Variants in NELL1 observed in about 807,000 individuals in gnomAD.
NELL1 encodes the protein neural EGFL like 1, also known as protein kinase C-binding protein NELL1.
In NELL1, 76 loss-of-function variants were observed where a neutral mutation model predicts 107.4. The ratio of observed to expected loss-of-function variants is 0.71; its 90% CI spans 0.59 to 0.86. The LOEUF is 0.86. Among genes scored for constraint, NELL1 ranks in the 40% least tolerant of loss-of-function variants. The pLI is 0.00. For synonymous variants in NELL1, 353 were observed against 341.2 expected (o/e 1.03, Z -0.38); for missense variants, 1,024 against 1,005.5 (o/e 1.02, Z -0.25).
At chr11:20,902,870 GTA>G (rs1849908476) in intron 5 of NELL1, among the ~76,000 whole-genome samples, 1 of 152,008 alleles carries the variant, frequency 6.6e-6, no homozygotes, top group Non-Finnish European at 1.5e-5. Flanking sequence ...ATTAAATCAT[GTA>G]TATATTTCAA....
At chr11:21,506,966 C>A (rs1049248485) in intron 15 of NELL1, among the ~76,000 whole-genome samples, 4 of 152,128 alleles carry the variant, frequency 2.6e-5, no homozygotes, top group African/African-American at 9.7e-5. Flanking sequence ...ATATTGGATG[C>A]ATATTATTTC....
chr11:20,671,703 T>A (rs1010499732), intron 1 of NELL1, among the ~76,000 whole-genome samples: 1 of 152,170 alleles, frequency 6.6e-6, no homozygotes, highest in Non-Finnish European at 1.5e-5. Flanking sequence ...AGTCCTTGAC[T>A]TCTAGGAACT....
chr11:20,945,406 A>C (rs548012869), intron 10 of NELL1, among the ~76,000 whole-genome samples: 1 of 152,332 alleles, frequency 6.6e-6, no homozygotes, highest in South Asian at 2.1e-4. Context: ...CTTGCATGTA[A>C]CTTCCGGCTC....
intron 13 of NELL1, among the ~76,000 whole-genome samples, chr11:21,141,572 C>G (rs1046730591): frequency 6.6e-6 from 1 of 151,916 alleles, no homozygotes; most frequent in African/African-American, 2.4e-5. Flanking sequence ...AGTAAGAAAT[C>G]TGAAGATAAA....
chr11:20,735,884 G>A (rs1322484955), intron 2 of NELL1, among the ~76,000 whole-genome samples: 2 of 152,078 alleles, frequency 1.3e-5, no homozygotes, highest in Non-Finnish European at 2.9e-5. Context: ...AAGTGGGCAG[G>A]GGTCCTGTAG....
rs550504261 is a variant in NELL1, at chr11:21,039,228, C to T, written c.1301-74361C>T. On this transcript the variant is annotated intron_variant, in intron 12 of 19. Transcript: ENST00000357134. ...GACAGAGTCTTGCTCTGCTGTCTCC[C>T]GGGCTGGAGTGCACTGGTGCAATCT... Among the ~76,000 whole-genome samples, 26 of 152,030 alleles carry T rather than the reference C, an allele frequency of 1.7e-4. No homozygotes were observed. In the South Asian group the frequency reaches 1.9e-3, roughly 11 times the overall value.
Position 21,503,249 on chromosome 11 carries a change from G to A in NELL1, c.1646-31125G>A, listed in dbSNP as rs145112118. Among the ~76,000 whole-genome samples the A allele has an allele frequency of 9.3e-3, 1,417 of 152,196 alleles. 23 individuals carry two copies. Among genetic ancestry groups the A allele is most frequent in the African/African-American group, 0.031 (1,282 of 41,524 alleles). ...CACAGTAAATCTTGATAAGTAAATCGGATATTGAAAGAGGCAGGCATAAGT... is the reference window on the plus strand; with the variant it reads ...CACAGTAAATCTTGATAAGTAAATCAGATATTGAAAGAGGCAGGCATAAGT... On this transcript the variant is annotated intron_variant, in intron 15 of 19. Transcript: ENST00000357134.
chr11:21,261,579 A>C (rs1309806330), intron 14 of NELL1, among the ~76,000 whole-genome samples: 2 of 151,806 alleles, frequency 1.3e-5, no homozygotes, highest in Non-Finnish European at 1.5e-5. Context: ...GCATTTACAC[A>C]AGAGGAAACA....
rs151025706 is a variant in NELL1, at chr11:21,298,857, C to A, written c.1549+69403C>A. Among the ~76,000 whole-genome samples, 19 of 152,102 alleles carry A rather than the reference C, an allele frequency of 1.2e-4. No individual in the cohort carries two copies. In the East Asian group the frequency reaches 3.1e-3, roughly 25 times the overall value. ...TCACTCTTCTACCTGATACTTTCCTCATCTTTTCCCAAGAAATCACCTTTC... is the reference window on the plus strand; with the variant it reads ...TCACTCTTCTACCTGATACTTTCCTAATCTTTTCCCAAGAAATCACCTTTC... On this transcript the variant is annotated intron_variant, in intron 14 of 19. Coordinates refer to ENST00000357134, the MANE Select transcript of NELL1 (RefSeq NM_006157.5).
intron 2 of NELL1, among the ~76,000 whole-genome samples, chr11:20,699,730 C>T (rs766003556): frequency 9.9e-5 from 15 of 152,272 alleles, no homozygotes; most frequent in East Asian, 3.9e-4. Flanking sequence ...TTGCTGATTG[C>T]GCTGCTATAA....
intron 15 of NELL1, among the ~76,000 whole-genome samples, chr11:21,489,900 G>A (rs972030400): frequency 2.6e-5 from 4 of 151,994 alleles, no homozygotes; most frequent in African/African-American, 9.7e-5. Context: ...AGACAAAGAT[G>A]CCCACTTACA....
At chr11:21,398,634 A>G (rs1037927452) in intron 15 of NELL1, among the ~76,000 whole-genome samples, 1 of 151,702 alleles carries the variant, frequency 6.6e-6, no homozygotes, top group Admixed American at 6.6e-5. Context: ...GGAGCACAAG[A>G]TCTCATTAGA....
intron 14 of NELL1, among the ~76,000 whole-genome samples, chr11:21,293,728 A>G (rs1184246904): frequency 1.3e-5 from 2 of 152,186 alleles, no homozygotes; most frequent in Non-Finnish European, 2.9e-5. Flanking sequence ...TGGCACATAC[A>G]CACCATGGAA....
intron 14 of NELL1, among the ~76,000 whole-genome samples, chr11:21,348,371 G>T (rs1037165236): frequency 6.6e-6 from 1 of 152,130 alleles, no homozygotes; most frequent in African/African-American, 2.4e-5. Context: ...ACCCTGTGCT[G>T]AGCTCTAGGG....
chr11:20,763,930 G>A (rs1856477879), intron 2 of NELL1, among the ~76,000 whole-genome samples: 1 of 152,218 alleles, frequency 6.6e-6, no homozygotes, highest in Non-Finnish European at 1.5e-5. Flanking sequence ...GGGCCAGCCA[G>A]GTAACAGCTG....
chr11:20,905,740 C>T (rs557374110), intron 5 of NELL1, among the ~76,000 whole-genome samples: 39 of 151,506 alleles, frequency 2.6e-4, no homozygotes, highest in African/African-American at 8.5e-4. Context: ...GGCTGTGGAG[C>T]AAAAAGAAAA....
intron 16 of NELL1, among the ~76,000 whole-genome samples, chr11:21,540,817 G>A (rs144093508): frequency 6.6e-6 from 1 of 152,032 alleles, no homozygotes; most frequent in South Asian, 2.1e-4. Context: ...TGAGCTTTGG[G>A]TGGAGACACA....
intron 2 of NELL1, among the ~76,000 whole-genome samples, chr11:20,700,752 T>A (rs1012009617): frequency 6.6e-6 from 1 of 151,768 alleles, no homozygotes; most frequent in Non-Finnish European, 1.5e-5. Context: ...AGTAAGAACA[T>A]GCGGTGTTTG....
intron 3 of NELL1, among the ~76,000 whole-genome samples, chr11:20,818,443 G>A (rs1231349024): frequency 7.4e-6 from 1 of 134,312 alleles, no homozygotes; most frequent in Middle Eastern, 4.8e-3. Flanking sequence ...TTCGGAATCA[G>A]GAAACTGCTA....
Sources: gnomAD v4.1 joint callset for allele counts (sites outside exome capture counted in the v4.1 genomes callset) on GRCh38, gnomAD v4.1.1 for gene constraint, MANE v1.5 for transcripts, NCBI Gene and HGNC (gene_info 2026-07-23, HGNC 2026-07-21) for gene names.